TRDN: variants seen among roughly 807,000 people sequenced by gnomAD.
TRDN encodes the protein triadin in skeletal muscle.
In TRDN, 161 loss-of-function variants were observed where a neutral mutation model predicts 149.7. The ratio of observed to expected loss-of-function variants is 1.08; its 90% CI spans 0.95 to 1.23. TRDN has a LOEUF of 1.23. Ranked by LOEUF, TRDN falls within the 50% of genes most tolerant of loss-of-function variation. The pLI is 0.00. For missense variants in TRDN, 896 were observed against 823.5 expected, an observed-to-expected ratio of 1.09 and a Z score of -1.08; for synonymous variants, 294 against 250.5, an observed-to-expected ratio of 1.17 and a Z score of -1.64.
intron 38 of TRDN, among the ~76,000 whole-genome samples, chr6:123,235,890 T>A (rs1582755715): frequency 6.6e-6 from 1 of 152,218 alleles, no homozygotes; most frequent in Admixed American, 6.5e-5. Flanking sequence ...TCCTGAGAAA[T>A]ATTCTGTTGT....
intron 12 of TRDN, among the ~76,000 whole-genome samples, chr6:123,419,593 G>T (rs1218960323): frequency 6.6e-6 from 1 of 152,056 alleles, no homozygotes; most frequent in Non-Finnish European, 1.5e-5. Context: ...GCCCAGGCTG[G>T]TCTCAAACTC....
chr6:123,452,958 G>A (rs1378376902), intron 10 of TRDN, among the ~76,000 whole-genome samples: 2 of 151,622 alleles, frequency 1.3e-5, no homozygotes, highest in African/African-American at 4.8e-5. Flanking sequence ...AATACTTACA[G>A]CCAACTGATC....
intron 35 of TRDN, among the ~76,000 whole-genome samples, chr6:123,257,719 T>C (rs561330528): frequency 1.6e-3 from 242 of 152,164 alleles, no homozygotes; most frequent in Non-Finnish European, 2.4e-3. Context: ...TATAAATTAC[T>C]TTAGGCAGTA....
At chr6:123,549,349 T>C (rs1393161074) in intron 2 of TRDN, among the ~76,000 whole-genome samples, 1 of 152,074 alleles carries the variant, frequency 6.6e-6, no homozygotes, top group African/African-American at 2.4e-5. Flanking sequence ...CTTCCAATCA[T>C]ATGAAAACTG....
At chr6:123,585,766 G>T (rs1783446615) in intron 1 of TRDN, among the ~76,000 whole-genome samples, 1 of 152,084 alleles carries the variant, frequency 6.6e-6, no homozygotes, top group African/African-American at 2.4e-5. Context: ...GCTCCTGGGG[G>T]AGGAGGTTCT....
intron 38 of TRDN, among the ~76,000 whole-genome samples, chr6:123,241,208 AAATAT>A (rs1309537376): frequency 6.6e-6 from 1 of 151,348 alleles, no homozygotes; most frequent in Non-Finnish European, 1.5e-5. Context: ...CAATTTGGGA[AAATAT>A]AATCAATAAA....
chr6:123,379,460 A>G (rs1460161506), intron 16 of TRDN, among the ~76,000 whole-genome samples: 1 of 152,218 alleles, frequency 6.6e-6, no homozygotes, highest in Non-Finnish European at 1.5e-5. Flanking sequence ...AATTAAATAC[A>G]TTGTTTAATT....
chr6:123,476,726 A>G (rs1457711379), intron 9 of TRDN, among the ~76,000 whole-genome samples: 2 of 147,642 alleles, frequency 1.4e-5, no homozygotes, highest in South Asian at 2.2e-4. Flanking sequence ...AGATCAATGG[A>G]ACAGAACAGA....
chr6:123,519,164 A>G (rs754179571), intron 5 of TRDN, among the ~76,000 whole-genome samples: 4 of 152,180 alleles, frequency 2.6e-5, no homozygotes, highest in Non-Finnish European at 5.9e-5. Context: ...CTTATTTACA[A>G]GAAACAAAAG....
chr6:123,456,361 A>G (rs1023072218), intron 10 of TRDN, among the ~76,000 whole-genome samples: 4 of 152,234 alleles, frequency 2.6e-5, no homozygotes, highest in African/African-American at 9.6e-5. Flanking sequence ...TCTCTTATGG[A>G]TTAAAACAAA....
intron 9 of TRDN, among the ~76,000 whole-genome samples, chr6:123,472,854 G>A (rs890849762): frequency 2.6e-5 from 4 of 152,004 alleles, no homozygotes; most frequent in African/African-American, 9.7e-5. Context: ...CACACGGCAG[G>A]GTATTCCAAC....
intron 23 of TRDN, among the ~76,000 whole-genome samples, chr6:123,327,319 T>C (rs558399405): frequency 6.6e-6 from 1 of 152,078 alleles, no homozygotes; most frequent in Non-Finnish European, 1.5e-5. Flanking sequence ...TTCCACCTTA[T>C]TATTTTTCAA....
rs1040547155 is a variant in TRDN, at chr6:123,442,601, T to G, written c.932-3598A>C. ...GTCTACCTTGCTTACTTGTGAGAAA[T>G]GGAGATAACTGGGCTAAAATGCCTG... On this transcript the variant is annotated intron_variant, in intron 10 of 40. Transcript: ENST00000334268. Among the ~76,000 whole-genome samples the G allele has an allele frequency of 4.7e-5, 6 of 128,510 alleles. No homozygotes were observed. The South Asian group carries it at 1.4e-3, about 29-fold the overall frequency. The allele number at this position is 128,510 out of a possible 152,430, so 84.3% of individuals were successfully genotyped here. A position where few individuals can be genotyped will look rare whatever the true frequency, so the allele number is the denominator to read the frequency against.
chr6:123,497,933 A>C (rs2153133), intron 8 of TRDN, among the ~76,000 whole-genome samples: 125,383 of 151,664 alleles, frequency 0.83, 52,015 homozygotes, highest in East Asian at 0.88. Flanking sequence ...AACAAAAAAA[A>C]CATAGTATGT....
In TRDN at chr6:123,283,985, C is replaced by CATATATATATATAT. The variant is rs57419103; in HGVS notation, c.1511-4917_1511-4904dup. 1.9e-3 allele frequency among the ~76,000 whole-genome samples: 106 copies of CATATATATATATAT among 57,196 alleles called. 11 individuals carry two copies. The highest frequency in any genetic ancestry group is 2.8e-3 in the African/African-American group (30 of 10,646). 37.5% of individuals were successfully genotyped at this position (57,196 alleles called of 152,430 possible). ...ATAGGTGCAGCACACCAACATGGCA[C>CATATATATATATAT]ATATATATATATATATATGTAACAA... is the stretch of plus-strand genomic sequence containing the variant. On this transcript the variant is annotated intron_variant, in intron 24 of 40. Transcript: ENST00000334268.
At chr6:123,349,007 TTAA>T (rs1447827844) in intron 21 of TRDN, among the ~76,000 whole-genome samples, 4 of 152,098 alleles carry the variant, frequency 2.6e-5, no homozygotes, top group African/African-American at 9.7e-5. Flanking sequence ...CTATGAGAAA[TTAA>T]TGTTAACAAT....
chr6:123,258,046 G>T (rs1776625311), intron 35 of TRDN, among the ~76,000 whole-genome samples: 1 of 152,102 alleles, frequency 6.6e-6, no homozygotes, highest in Non-Finnish European at 1.5e-5. Flanking sequence ...TGTGACGATG[G>T]GGTTTTCTAA....
chr6:123,494,404 C>A (rs1778346597), intron 9 of TRDN, among the ~76,000 whole-genome samples: 1 of 152,084 alleles, frequency 6.6e-6, no homozygotes. Flanking sequence ...CTACTAGCAT[C>A]CCTCGCTGAA....
At chr6:123,302,001 C>T (rs1447251376) in intron 24 of TRDN, among the ~76,000 whole-genome samples, 1 of 149,602 alleles carries the variant, frequency 6.7e-6, no homozygotes, top group Non-Finnish European at 1.5e-5. Context: ...TATACATCCT[C>T]AAAGGCTAGC....
Sources: allele counts gnomAD v4.1 joint callset (sites outside exome capture counted in the v4.1 genomes callset), GRCh38; gene constraint gnomAD v4.1.1; transcripts MANE v1.5; gene names NCBI Gene and HGNC (gene_info 2026-07-23, HGNC 2026-07-21).